FOXO3: variants seen among roughly 807,000 people sequenced by gnomAD.
The protein encoded by FOXO3 is forkhead box O3.
FOXO3 carries 4 observed loss-of-function variants against 41.9 expected under a neutral mutation model. That is an observed-to-expected ratio of 0.10 (90% confidence interval 0.05 to 0.22). The LOEUF is 0.22. Ranked by LOEUF, FOXO3 falls within the 10% of genes least tolerant of loss-of-function variation. The probability of loss-of-function intolerance (pLI) is 1.00; values close to 1 mark genes in which losing one functional copy is unlikely to be tolerated. For synonymous variants in FOXO3, 318 were observed against 389.3 expected (o/e 0.82, Z 2.16); for missense variants, 534 against 906.8 (o/e 0.59, Z 5.28).
chr6:108,670,523 A>C (rs1219959303), intron 2 of FOXO3, among the ~76,000 whole-genome samples: 1 of 151,936 alleles, frequency 6.6e-6, no homozygotes, highest in Admixed American at 6.6e-5. Context: ...AGTTTAAGAA[A>C]TACCATGTTA....
chr6:108,639,949 A>G (rs960414291), intron 1 of FOXO3, among the ~76,000 whole-genome samples: 2 of 152,204 alleles, frequency 1.3e-5, no homozygotes, highest in African/African-American at 4.8e-5. Context: ...GTCTCCTTGG[A>G]GGGGCAGAAT....
At chr6:108,588,240 G>A (rs1262584396) in intron 1 of FOXO3, among the ~76,000 whole-genome samples, 2 of 152,028 alleles carry the variant, frequency 1.3e-5, no homozygotes, top group African/African-American at 2.4e-5. Context: ...TCAGTATATT[G>A]AAAAATTCAA....
chr6:108,676,153 A>G (rs374854217), intron 2 of FOXO3, among the ~76,000 whole-genome samples: 30 of 152,304 alleles, frequency 2.0e-4, no homozygotes, highest in East Asian at 1.7e-3. Context: ...TGTATCAGCA[A>G]TTGATTTCAA....
At chr6:108,639,592 G>A in intron 1 of FOXO3, 1 of 985,184 alleles carries the variant, frequency 1.0e-6, no homozygotes. Context: ...AAGTGGAGGT[G>A]GACCCTGCCT....
At chr6:108,570,086 G>A (rs1047373909) in intron 1 of FOXO3, among the ~76,000 whole-genome samples, 4 of 136,498 alleles carry the variant, frequency 2.9e-5, no homozygotes, top group African/African-American at 5.7e-5. Flanking sequence ...TGCAAGCTCC[G>A]CCTCCTGGGT....
intron 2 of FOXO3, among the ~76,000 whole-genome samples, chr6:108,674,671 G>A (rs1031547990): frequency 1.8e-4 from 28 of 152,146 alleles, no homozygotes; most frequent in Admixed American, 1.6e-3. Context: ...AAGAAGAGCC[G>A]TCCAGGCAAA....
intron 1 of FOXO3, among the ~76,000 whole-genome samples, chr6:108,583,789 C>CGATTATT (rs1453292667): frequency 6.6e-6 from 1 of 152,094 alleles, no homozygotes; most frequent in East Asian, 1.9e-4. Flanking sequence ...GTCTCATTGC[C>CGATTATT]GATTATTGAA....
chr6:108,578,868 C>T (rs568452105), intron 1 of FOXO3, among the ~76,000 whole-genome samples: 110 of 152,252 alleles, frequency 7.2e-4, no homozygotes, highest in African/African-American at 2.5e-3. Context: ...ACATTCACCT[C>T]GGCTCAGGAT....
Position 108,663,923 on chromosome 6 carries a change from G to T in FOXO3, c.1090G>T (p.Val364Leu). The T allele has an allele frequency of 6.2e-7, 1 of 1,614,230 alleles. No homozygotes were observed. Among genetic ancestry groups the T allele is most frequent in the South Asian group, 1.1e-5 (1 of 91,088 alleles). ...ACCTTCAGTAAGCAAGCCGTGCACG[G>T]TGGAACTGCCACGGCTGACTGATAT... Reference protein sequence around the residue: ...LSPSVSKPCTVELPRLTDMAG... With the variant: ...LSPSVSKPCTLELPRLTDMAG... The change falls in exon 2 of 3, where the codon GTG becomes TTG. Residue 364 changes from valine (V) to leucine (L), a missense_variant. Transcript: ENST00000406360.
chr6:108,632,271 C>T (rs1777993650), intron 1 of FOXO3, among the ~76,000 whole-genome samples: 1 of 152,084 alleles, frequency 6.6e-6, no homozygotes, highest in South Asian at 2.1e-4. Flanking sequence ...GGAAGCAGAC[C>T]ATGAACAACA....
At position 108,625,837 on chromosome 6, in the gene FOXO3, A is replaced by G. The variant is rs150925035; in HGVS notation, c.622-37618A>G. 8.7e-3 allele frequency among the ~76,000 whole-genome samples: 1,322 copies of G among 152,246 alleles called. 10 individuals carry two copies. The highest frequency in any genetic ancestry group is 0.02 in the Middle Eastern group (6 of 294). On this transcript the variant is annotated intron_variant, in intron 1 of 2. Transcript: ENST00000406360. ...CCATGTCCTGGGTTGTTTAAGTGAG[A>G]TTATGTAGTATTAGTAGGGTGCCTC...
At chr6:108,563,084 G>A (rs972030492) in intron 1 of FOXO3, among the ~76,000 whole-genome samples, 1 of 152,192 alleles carries the variant, frequency 6.6e-6, no homozygotes, top group African/African-American at 2.4e-5. Context: ...GTCTTCCTGG[G>A]TTTCAGGAGG....
chr6:108,587,039 G>A (rs2128361865), intron 1 of FOXO3, among the ~76,000 whole-genome samples: 1 of 150,898 alleles, frequency 6.6e-6, no homozygotes, highest in East Asian at 1.9e-4. Flanking sequence ...TTGAACTCCT[G>A]GGCTCAAGCA....
intron 1 of FOXO3, among the ~76,000 whole-genome samples, chr6:108,567,455 GA>G (rs1203743367): frequency 6.6e-6 from 1 of 152,022 alleles, no homozygotes; most frequent in Non-Finnish European, 1.5e-5. Flanking sequence ...AGTGGATGTG[GA>G]GCCTTGATGC....
At chr6:108,655,769 G>A (rs1440897645) in intron 1 of FOXO3, among the ~76,000 whole-genome samples, 1 of 152,214 alleles carries the variant, frequency 6.6e-6, no homozygotes, top group African/African-American at 2.4e-5. Flanking sequence ...GTGCTCTCCT[G>A]TGGCACGCAG....
At chr6:108,573,865 T>C (rs897532563) in intron 1 of FOXO3, among the ~76,000 whole-genome samples, 3 of 151,070 alleles carry the variant, frequency 2.0e-5, no homozygotes, top group South Asian at 2.1e-4. Context: ...TAAAGACTTA[T>C]GATATTGGCC....
intron 1 of FOXO3, among the ~76,000 whole-genome samples, chr6:108,616,647 A>G (rs1777522429): frequency 6.6e-6 from 1 of 152,086 alleles, no homozygotes; most frequent in South Asian, 2.1e-4. Flanking sequence ...ACATTGCCAT[A>G]TAATTTACCA....
In FOXO3 at chr6:108,664,669, C is replaced by T. The variant is rs1352486360; in HGVS notation, c.1836C>T (p.Asp612=). ...MGHEKFPSDL[D]LDMFNGSLEC... ...ATGAGAAGTTCCCCAGCGACTTGGA[C>T]CTGGACATGTTCAATGGGAGCTTGG... Residue 612 remains aspartate (D), a synonymous_variant, in exon 2 of 3, where the codon GAC becomes GAT. Coordinates refer to ENST00000406360, the MANE Select transcript of FOXO3 (RefSeq NM_001455.4). 5 of 1,026,314 alleles carry T rather than the reference C, an allele frequency of 4.9e-6. No homozygotes were observed. The highest frequency in any genetic ancestry group is 6.0e-6 in the Non-Finnish European group (4 of 664,192). The allele number at this position is 1,026,314 out of a possible 1,614,324, so 63.6% of individuals were successfully genotyped here.
intron 1 of FOXO3, among the ~76,000 whole-genome samples, chr6:108,635,225 C>T (rs929564917): frequency 5.9e-5 from 9 of 151,732 alleles, no homozygotes; most frequent in Non-Finnish European, 2.9e-5. Flanking sequence ...TTCTTGAACC[C>T]GGGAGGTTGC....
Sources: allele counts gnomAD v4.1 joint callset (sites outside exome capture counted in the v4.1 genomes callset), GRCh38; gene constraint gnomAD v4.1.1; transcripts MANE v1.5; gene names NCBI Gene and HGNC (gene_info 2026-07-23, HGNC 2026-07-21).